The following PSMC2 variants were observed in gnomAD, a reference collection of about 807,000 sequenced individuals.
PSMC2 encodes proteasome 26S subunit, ATPase 2.
A neutral mutation model predicts 53.3 loss-of-function variants in PSMC2; 7 were observed. The observed-to-expected ratio is 0.13, with a 90% confidence interval of 0.07 to 0.25. The LOEUF is 0.25. Ranked by LOEUF, PSMC2 falls within the 10% of genes least tolerant of loss-of-function variation. The pLI is 1.00. For missense variants in PSMC2, 241 were observed against 544.0 expected (o/e 0.44, Z 5.54); for synonymous variants, 169 against 183.9 (o/e 0.92, Z 0.66).
At chr7:103,357,919 TTTCC>T (rs1343740610) in intron 4 of PSMC2, among the ~76,000 whole-genome samples, 1 of 152,158 alleles carries the variant, frequency 6.6e-6, no homozygotes, top group Non-Finnish European at 1.5e-5. Context: ...TCGGTTTCAT[TTTCC>T]TTAAGTTTTT....
At chr7:103,347,555 G>A (rs1209183649), upstream of PSMC2, 17 of 743,102 alleles carry the variant, frequency 2.3e-5, no homozygotes, top group Admixed American at 4.0e-4. Flanking sequence ...GTGCCAAAGC[G>A]TTTCCCCAGG....
At chr7:103,362,494 G>C in intron 5 of PSMC2, 192 bp from the exon 6 acceptor site, 1 of 1,411,220 alleles carries the variant, frequency 7.1e-7, no homozygotes. Flanking sequence ...CTGTTGGATA[G>C]GTTGTTTGCG....
At chr7:103,348,434 T>A (rs1563480925) in intron 1 of PSMC2, among the ~76,000 whole-genome samples, 1 of 152,232 alleles carries the variant, frequency 6.6e-6, no homozygotes, top group Non-Finnish European at 1.5e-5. Flanking sequence ...TTAATATATA[T>A]TAGAGATACT....
At chr7:103,357,764 G>A (rs539668019) in intron 4 of PSMC2, among the ~76,000 whole-genome samples, 1 of 152,110 alleles carries the variant, frequency 6.6e-6, no homozygotes, top group Non-Finnish European at 1.5e-5. Flanking sequence ...TTGTTATAAC[G>A]TCTTGTTTTT....
At chr7:103,360,331 GT>G (rs537406563) in intron 4 of PSMC2, among the ~76,000 whole-genome samples, 409 of 152,126 alleles carry the variant, frequency 2.7e-3, no homozygotes, top group Admixed American at 7.1e-3. Flanking sequence ...TGTTGTTCTT[GT>G]TTTTCCTTTC....
chr7:103,362,664 A>G (rs757781122), intron 5 of PSMC2, 22 bp from the exon 6 acceptor site: 13 of 1,574,044 alleles, frequency 8.3e-6, no homozygotes, highest in Non-Finnish European at 1.1e-5. Flanking sequence ...TGTATTAATG[A>G]CTATCTTTTT....
rs748561526 is a variant in PSMC2 at position 103,362,677 on chromosome 7, C to A, written c.423-9C>A. The A allele has an allele frequency of 3.8e-6, 6 of 1,593,922 alleles. No homozygotes were observed. The African/African-American group carries it at 8.1e-5, about 21-fold the overall frequency. On this transcript the variant is annotated splice_polypyrimidine_tract_variant and intron_variant, in intron 5 of 11. Transcript: ENST00000292644. ...AATGTATTAATGACTATCTTTTTTA[C>A]TTCCTTAGCGTGGATAGAAATAAAT...
At chr7:103,349,034 C>A (rs1819669902) in intron 1 of PSMC2, among the ~76,000 whole-genome samples, 1 of 152,210 alleles carries the variant, frequency 6.6e-6, no homozygotes, top group Non-Finnish European at 1.5e-5. Context: ...GATATAACTT[C>A]TTCCCAGTAG....
At chr7:103,348,809 CA>C (rs1482251904) in intron 1 of PSMC2, 2 of 744,782 alleles carry the variant, frequency 2.7e-6, no homozygotes, top group African/African-American at 3.4e-5. Context: ...GGCATCTACC[CA>C]ATGGAAAACC....
chr7:103,356,016 G>A (rs776157882), intron 4 of PSMC2, among the ~76,000 whole-genome samples: 1 of 152,178 alleles, frequency 6.6e-6, no homozygotes, highest in African/African-American at 2.4e-5. Flanking sequence ...ATAAAAAGAT[G>A]TAGAGCAAGA....
rs1264512183 is a variant in PSMC2, at chr7:103,360,149, G to A, written c.291-1808G>A. ...TCTTAAGGGACAATTTCTATTGACT[G>A]ATTTTTTTCCCCTTATGTATGAGCC... is the stretch of plus-strand genomic sequence containing the variant. On this transcript the variant is annotated intron_variant, in intron 4 of 11. Coordinates refer to ENST00000292644, the MANE Select transcript of PSMC2 (RefSeq NM_002803.4). Among the ~76,000 whole-genome samples the A allele has an allele frequency of 2.6e-5, 4 of 151,656 alleles. No homozygotes were observed. In the East Asian group the frequency reaches 7.7e-4, roughly 29 times the overall value.
chr7:103,348,209 G>C (rs548760401), intron 1 of PSMC2, among the ~76,000 whole-genome samples: 1 of 152,102 alleles, frequency 6.6e-6, no homozygotes, highest in Non-Finnish European at 1.5e-5. Flanking sequence ...ACATTCACAG[G>C]GTTCACAATT....
upstream of PSMC2, chr7:103,347,599 G>A (rs1042171365): frequency 2.4e-5 from 29 of 1,226,424 alleles, no homozygotes; most frequent in Non-Finnish European, 2.9e-5. Context: ...TGCATAAAGG[G>A]GTCTGTCTGA....
At chr7:103,355,589 C>A in intron 3 of PSMC2, 105 bp from the exon 4 acceptor site, 1 of 832,682 alleles carries the variant, frequency 1.2e-6, no homozygotes, top group Non-Finnish European at 2.0e-6. Context: ...ATAGTCCTCA[C>A]AATGAATGAT....
chr7:103,353,160 A>G (rs1819821888), intron 1 of PSMC2, among the ~76,000 whole-genome samples: 1 of 152,124 alleles, frequency 6.6e-6, no homozygotes, highest in African/African-American at 2.4e-5. Flanking sequence ...TACTCTCCAC[A>G]TGTGTTTTAA....
intron 4 of PSMC2, among the ~76,000 whole-genome samples, chr7:103,358,862 T>G (rs1025719817): frequency 1.3e-5 from 2 of 152,170 alleles, no homozygotes; most frequent in African/African-American, 2.4e-5. Flanking sequence ...CCTATACCCC[T>G]ACAAGATCCC....
At chr7:103,365,943 TA>T in intron 8 of PSMC2, 132 bp from the exon 9 acceptor site, 1 of 726,558 alleles carries the variant, frequency 1.4e-6, no homozygotes, top group Middle Eastern at 4.1e-4. Flanking sequence ...AATAAAAAAA[TA>T]AAAAACGTTT....
chr7:103,362,835 C>T lies in PSMC2; in HGVS notation c.495+77C>T, dbSNP rs537184147. ...TTTTGAGGCGGAGTTTCACTCTTGT[C>T]CAGGCTGGAGTAGAATGGTGTGATC... On this transcript the variant is annotated intron_variant, in intron 6 of 11. Coordinates refer to ENST00000292644, the MANE Select transcript of PSMC2 (RefSeq NM_002803.4). 6.4e-5 allele frequency: 72 copies of T among 1,130,792 alleles called. No individual in the cohort carries two copies. In the East Asian group the frequency reaches 1.7e-3, roughly 27 times the overall value. 70.0% of individuals were successfully genotyped at this position (1,130,792 alleles called of 1,614,324 possible).
Position 103,367,838 on chromosome 7 carries a change from C to A in PSMC2, c.1144+29C>A, listed in dbSNP as rs369296808. ...AGTAGAAAGTTCTTGCTTATATTTG[C>A]TGGTCTGTCTGCTCAGGCTGCTTTA... On this transcript the variant is annotated intron_variant, in intron 11 of 11. Transcript: ENST00000292644. The surrounding 1 kb of genome is among the most constrained non-coding windows in gnomAD (Gnocchi z 6.1). 1.9e-5 allele frequency: 31 copies of A among 1,611,810 alleles called. No homozygotes were observed. The African/African-American group carries it at 3.6e-4, about 19-fold the overall frequency.
Sources: gnomAD v4.1 joint callset for allele counts (sites outside exome capture counted in the v4.1 genomes callset) on GRCh38, gnomAD v4.1.1 for gene constraint, Gnocchi (gnomAD v3.1) non-coding constraint, MANE v1.5 for transcripts, NCBI Gene and HGNC (gene_info 2026-07-23, HGNC 2026-07-21) for gene names.